The following SH3GL2 variants were observed in gnomAD, a reference collection of about 807,000 sequenced individuals.
The protein encoded by SH3GL2 is SH3 domain containing GRB2 like 2, endophilin A1.
SH3GL2 carries 24 observed loss-of-function variants against 46.0 expected under a neutral mutation model. The observed-to-expected ratio is 0.52, with a 90% CI of 0.38 to 0.73. The LOEUF is 0.73. Among genes scored for constraint, SH3GL2 ranks in the 30% least tolerant of loss-of-function variants. The pLI is 0.00. For synonymous variants in SH3GL2, 196 were observed against 147.1 expected (o/e 1.33, Z -2.40); for missense variants, 413 against 424.2 (o/e 0.97, Z 0.23).
intron 1 of SH3GL2, among the ~76,000 whole-genome samples, chr9:17,645,431 T>G (rs755995456): frequency 2.0e-5 from 3 of 152,128 alleles, no homozygotes; most frequent in Non-Finnish European, 4.4e-5. Context: ...TAGCTGGTTA[T>G]TTTGCCCATT....
rs151036302 is a variant in SH3GL2, at chr9:17,719,350, A to G, written c.46-27716A>G. ...AACTATTTATAGACTGTTTCTAGGA[A>G]CTGCCAGGCCTAATTCCAGTCAATG... On this transcript the variant is annotated intron_variant, in intron 1 of 8. Transcript: ENST00000380607. Among the ~76,000 whole-genome samples the G allele has an allele frequency of 5.5e-3, 834 of 152,292 alleles. 11 individuals are homozygous for G. Among genetic ancestry groups the G allele is most frequent in the African/African-American group, 0.019 (794 of 41,576 alleles).
chr9:17,670,845 G>A (rs1190228016), intron 1 of SH3GL2, among the ~76,000 whole-genome samples: 1 of 152,116 alleles, frequency 6.6e-6, no homozygotes, highest in Non-Finnish European at 1.5e-5. Context: ...AATGTTAGTG[G>A]GTAACAGATT....
chr9:17,594,994 A>G (rs934118510), intron 1 of SH3GL2, among the ~76,000 whole-genome samples: 9 of 152,230 alleles, frequency 5.9e-5, no homozygotes, highest in Non-Finnish European at 1.3e-4. Flanking sequence ...TAAGATTGTA[A>G]GTTTAAAATA....
In SH3GL2 at chr9:17,695,566, C is replaced by A. The variant is rs182972314; in HGVS notation, c.46-51500C>A. The stretch of plus-strand genomic sequence containing the variant: ...CAGATGGCAACTTTGAGGAGGTAAC[C>A]AGGAGGTATCTGCACTCCCTCTGTG... On this transcript the variant is annotated intron_variant, in intron 1 of 8. Transcript: ENST00000380607. 5.9e-3 allele frequency among the ~76,000 whole-genome samples: 895 copies of A among 152,120 alleles called. 10 individuals carry two copies. The highest frequency in any genetic ancestry group is 4.9e-3 in the Non-Finnish European group (330 of 68,020).
intron 3 of SH3GL2, among the ~76,000 whole-genome samples, chr9:17,771,711 C>G (rs1469436454): frequency 6.6e-6 from 1 of 152,164 alleles, no homozygotes; most frequent in Non-Finnish European, 1.5e-5. Flanking sequence ...TGTTTGCTGC[C>G]CCATGTCACA....
At chr9:17,746,811 A>T (rs780562547) in intron 1 of SH3GL2, among the ~76,000 whole-genome samples, 10 of 152,196 alleles carry the variant, frequency 6.6e-5, no homozygotes, top group Non-Finnish European at 1.2e-4. Context: ...TGTTTGATAG[A>T]AGGAGCACTG....
chr9:17,685,566 T>C (rs1201783219), intron 1 of SH3GL2, among the ~76,000 whole-genome samples: 1 of 151,978 alleles, frequency 6.6e-6, no homozygotes, highest in Non-Finnish European at 1.5e-5. Flanking sequence ...TCTTCTAGGG[T>C]TTTTATGGTT....
chr9:17,646,254 A>G (rs1038981251), intron 1 of SH3GL2, among the ~76,000 whole-genome samples: 2 of 151,952 alleles, frequency 1.3e-5, no homozygotes, highest in Non-Finnish European at 2.9e-5. Context: ...TAAACTGATT[A>G]TTCTAGTTAG....
At chr9:17,634,887 A>G (rs1378559488) in intron 1 of SH3GL2, among the ~76,000 whole-genome samples, 1 of 152,158 alleles carries the variant, frequency 6.6e-6, no homozygotes, top group Non-Finnish European at 1.5e-5. Flanking sequence ...AAGCATTCTG[A>G]TGCTATAGTG....
At chr9:17,631,951 T>C (rs1256727077) in intron 1 of SH3GL2, among the ~76,000 whole-genome samples, 1 of 152,192 alleles carries the variant, frequency 6.6e-6, no homozygotes, top group African/African-American at 2.4e-5. Context: ...TTTCTGGGCA[T>C]GTTAAAAGTC....
chr9:17,680,322 G>C (rs919098377), intron 1 of SH3GL2, among the ~76,000 whole-genome samples: 1 of 152,046 alleles, frequency 6.6e-6, no homozygotes, highest in Non-Finnish European at 1.5e-5. Flanking sequence ...CTATTAGTCT[G>C]TTCAGGGATT....
chr9:17,690,625 G>A (rs1821052100), intron 1 of SH3GL2, among the ~76,000 whole-genome samples: 1 of 152,102 alleles, frequency 6.6e-6, no homozygotes, highest in Non-Finnish European at 1.5e-5. Context: ...AAGCCCAGTG[G>A]TAGAAATGTG....
At chr9:17,626,176 T>G (rs1819276436) in intron 1 of SH3GL2, among the ~76,000 whole-genome samples, 1 of 152,196 alleles carries the variant, frequency 6.6e-6, no homozygotes. Flanking sequence ...TCGGCAGGTG[T>G]GGGTCTGGGA....
chr9:17,687,461 CAG>C (rs1820950088), intron 1 of SH3GL2, among the ~76,000 whole-genome samples: 1 of 140,486 alleles, frequency 7.1e-6, no homozygotes, highest in Non-Finnish European at 1.5e-5. Context: ...GACTCTGTAA[CAG>C]GGTACATAGG....
At position 17,738,641 on chromosome 9, in the gene SH3GL2, T is replaced by TATATAGAGAGAG. The variant is rs376280314; in HGVS notation, c.46-8424_46-8423insTATAGAGAGAGA. ...TCATGTGATTTTATATATATATATATAGAGAGAGAGAGAGAGAGAGAGAGA... is the reference window on the plus strand; with the variant it reads ...TCATGTGATTTTATATATATATATATATATAGAGAGAGAGAGAGAGAGAGAGAGAGAGAGAGA... On this transcript the variant is annotated intron_variant, in intron 1 of 8. Coordinates refer to ENST00000380607, the MANE Select transcript of SH3GL2 (RefSeq NM_003026.5). 2.1e-3 allele frequency among the ~76,000 whole-genome samples: 187 copies of TATATAGAGAGAG among 88,860 alleles called. 5 individuals are homozygous for TATATAGAGAGAG. Among genetic ancestry groups the TATATAGAGAGAG allele is most frequent in the East Asian group, 4.9e-3 (12 of 2,456 alleles). 58.3% of individuals were successfully genotyped at this position (88,860 alleles called of 152,430 possible). A position where few individuals can be genotyped will look rare whatever the true frequency, so the allele number is the denominator to read the frequency against.
intron 1 of SH3GL2, among the ~76,000 whole-genome samples, chr9:17,689,240 T>A (rs748981459): frequency 2.0e-5 from 3 of 151,916 alleles, no homozygotes; most frequent in Non-Finnish European, 4.4e-5. Context: ...CTCAAAACTT[T>A]CAGGGTCATC....
Position 17,579,153 on chromosome 9 carries a change from G to T in SH3GL2, c.-90G>T, listed in dbSNP as rs917892339. Reference sequence around the variant, plus strand: ...CCCGGCGGCGGCACGACCAGAGGCGGCCAGGGGAGCGCGCCGCCCCGCTCG... The same window carrying T: ...CCCGGCGGCGGCACGACCAGAGGCGTCCAGGGGAGCGCGCCGCCCCGCTCG... On this transcript the variant is annotated 5_prime_UTR_variant, in exon 1 of 9. Coordinates refer to ENST00000380607, the MANE Select transcript of SH3GL2 (RefSeq NM_003026.5). The T allele has an allele frequency of 4.4e-5, 41 of 926,462 alleles. No individual in the cohort carries two copies. Among genetic ancestry groups the T allele is most frequent in the Non-Finnish European group, 5.8e-5 (38 of 651,888 alleles). The allele number at this position is 926,462 out of a possible 1,614,324, so 57.4% of individuals were successfully genotyped here. A position where few individuals can be genotyped will look rare whatever the true frequency, so the allele number is the denominator to read the frequency against.
intron 1 of SH3GL2, among the ~76,000 whole-genome samples, chr9:17,607,433 T>C (rs1818780761): frequency 6.6e-6 from 1 of 152,236 alleles, no homozygotes; most frequent in Non-Finnish European, 1.5e-5. Context: ...CTTGTAGGAC[T>C]GGAAGTTGCT....
intron 1 of SH3GL2, among the ~76,000 whole-genome samples, chr9:17,647,819 T>A (rs193245070): frequency 1.3e-5 from 2 of 152,152 alleles, no homozygotes; most frequent in Non-Finnish European, 2.9e-5. Flanking sequence ...ATTTTTACAG[T>A]TGAACTTTGA....
Sources: gnomAD v4.1 joint callset for allele counts (sites outside exome capture counted in the v4.1 genomes callset) on GRCh38, gnomAD v4.1.1 for gene constraint, MANE v1.5 for transcripts, NCBI Gene and HGNC (gene_info 2026-07-23, HGNC 2026-07-21) for gene names.